The following RFX4 variants were observed in gnomAD, a reference collection of about 807,000 sequenced individuals.
RFX4 encodes the protein regulatory factor X4.
Under a neutral mutation model 95.0 loss-of-function variants are expected in RFX4, and 10 were observed. The ratio of observed to expected loss-of-function variants is 0.11; its 90% confidence interval spans 0.06 to 0.18. The LOEUF is 0.18. Ranked by LOEUF, RFX4 falls within the 10% of genes least tolerant of loss-of-function variation. The probability of loss-of-function intolerance (pLI) is 1.00; values close to 1 mark genes in which losing one functional copy is unlikely to be tolerated. For synonymous variants in RFX4, 321 were observed against 340.7 expected (o/e 0.94, Z 0.64); for missense variants, 640 against 922.0 (o/e 0.69, Z 3.96).
intron 8 of RFX4, among the ~76,000 whole-genome samples, chr12:106,701,763 G>A (rs764344588): frequency 2.6e-5 from 4 of 152,050 alleles, no homozygotes; most frequent in South Asian, 2.1e-4. Context: ...GCTGGGTGCC[G>A]TATGGCTCAC....
In RFX4 at chr12:106,696,337, G is replaced by A. The variant is rs540870675; in HGVS notation, c.724G>A (p.Val242Met). Residue 242 changes from valine to methionine, a missense_variant, in exon 8 of 18, where the codon GTG becomes ATG. Around this residue, in one of 7 missense-constraint regions of RFX4, gnomAD observed 96 missense variants for 183.7 expected, o/e 0.52. Transcript: ENST00000392842. ...AGGAATGCCGCCCCACATGCTGCCT[G>A]TGCTGGGCTCCTCCACGGTGGTGAA... ...WQGMPPHMLP[V>M]LGSSTVVNIV... 2 of 1,614,192 alleles carry A rather than the reference G, an allele frequency of 1.2e-6. No homozygotes were observed. The highest frequency in any genetic ancestry group is 1.1e-5 in the South Asian group (1 of 91,080).
intron 1 of RFX4, among the ~76,000 whole-genome samples, chr12:106,601,806 T>C (rs1276600908): frequency 6.6e-6 from 1 of 152,222 alleles, no homozygotes; most frequent in Non-Finnish European, 1.5e-5. Context: ...CGGCGAACTC[T>C]TCACCTTTCC....
intron 3 of RFX4, among the ~76,000 whole-genome samples, chr12:106,647,454 A>G (rs560620510): frequency 6.6e-6 from 1 of 152,286 alleles, no homozygotes; most frequent in South Asian, 2.1e-4. Context: ...GCACTTGAAA[A>G]TATAAATCAA....
Position 106,720,622 on chromosome 12 carries a change from G to C in RFX4, c.1234-137G>C. On this transcript the variant is annotated intron_variant, in intron 12 of 17. Transcript: ENST00000392842. The surrounding 1 kb of genome is among the most constrained non-coding windows in gnomAD (Gnocchi z 4.2). ...TGGTCTCAAACTCCTAGGCTCATGC[G>C]ATCATCCGCCCACCTTGGCCTCCCA... The C allele has an allele frequency of 2.6e-6, 2 of 756,144 alleles. No individual in the cohort carries two copies. The highest frequency in any genetic ancestry group is 4.6e-6 in the Non-Finnish European group (2 of 438,672). The allele number at this position is 756,144 out of a possible 1,614,324, so 46.8% of individuals were successfully genotyped here.
chr12:106,590,299 G>A lies in RFX4; in HGVS notation c.43+6936G>A, dbSNP rs557305436. On this transcript the variant is annotated intron_variant, in intron 1 of 17. Transcript: ENST00000392842. ...ATGAAAGTGGTAATAGTTAACATAC[G>A]TTCCATACTTACTGTGTCTTCACTT... Among the ~76,000 whole-genome samples, 38 of 152,336 alleles carry A rather than the reference G, an allele frequency of 2.5e-4. 1 individual carries two copies. In the East Asian group the frequency reaches 5.6e-3, roughly 22 times the overall value.
intron 15 of RFX4, among the ~76,000 whole-genome samples, chr12:106,737,059 C>A (rs2137576948): frequency 6.6e-6 from 1 of 151,698 alleles, no homozygotes; most frequent in South Asian, 2.1e-4. Flanking sequence ...TTGATGTTTC[C>A]CTCACCCTCC....
At chr12:106,757,972 A>T (rs1272184585) in intron 17 of RFX4, among the ~76,000 whole-genome samples, 2 of 152,038 alleles carry the variant, frequency 1.3e-5, no homozygotes, top group Non-Finnish European at 2.9e-5. Flanking sequence ...CCTCTCATAC[A>T]CTCCTTTCAA....
chr12:106,642,080 G>A (rs550275042), intron 3 of RFX4, among the ~76,000 whole-genome samples: 8 of 151,472 alleles, frequency 5.3e-5, no homozygotes, highest in South Asian at 2.1e-4. Flanking sequence ...GCGTGAGCTC[G>A]GTTCACTGTA....
chr12:106,583,539 C>A, intron 1 of RFX4, 176 bp downstream of exon 1: 1 of 537,222 alleles, frequency 1.9e-6, no homozygotes. Flanking sequence ...TAACTGGATG[C>A]GTGGAAGTAT....
chr12:106,691,354 T>C (rs779973214), intron 7 of RFX4, among the ~76,000 whole-genome samples: 1 of 152,188 alleles, frequency 6.6e-6, no homozygotes, highest in Non-Finnish European at 1.5e-5. Context: ...GTCACACAGT[T>C]GGTTAGGGCC....
In RFX4 at chr12:106,671,233, A is replaced by G. The variant is rs1398278181; in HGVS notation, c.316-10760A>G. Among the ~76,000 whole-genome samples the G allele has an allele frequency of 3.3e-5, 5 of 152,172 alleles. No individual in the cohort carries two copies. The East Asian group carries it at 9.6e-4, about 29-fold the overall frequency. On this transcript the variant is annotated intron_variant, in intron 4 of 17. Coordinates refer to ENST00000392842, the MANE Select transcript of RFX4 (RefSeq NM_213594.3). ...ATTTATTTTAGATCACTTCTTGTTG[A>G]TGGCAAATCTTTACCTACTGAGGGT... is the stretch of plus-strand genomic sequence containing the variant.
chr12:106,595,357 C>T (rs1179845003), intron 1 of RFX4, among the ~76,000 whole-genome samples: 2 of 152,186 alleles, frequency 1.3e-5, no homozygotes, highest in Non-Finnish European at 1.5e-5. Flanking sequence ...TCAGGAGGTC[C>T]AGTCATTCCC....
chr12:106,684,694 A>G, intron 5 of RFX4: 1 of 1,477,084 alleles, frequency 6.8e-7, no homozygotes, highest in South Asian at 1.4e-5. Context: ...TCCCCCACCC[A>G]CAGAGTGAGT....
intron 6 of RFX4, 94 bp downstream of exon 6, chr12:106,687,191 C>A: frequency 2.4e-6 from 1 of 420,592 alleles, no homozygotes; most frequent in Admixed American, 5.1e-5. Context: ...CTCACACACA[C>A]ACACACACAC....
At chr12:106,672,066 T>C (rs1449351762) in intron 4 of RFX4, among the ~76,000 whole-genome samples, 2 of 152,196 alleles carry the variant, frequency 1.3e-5, no homozygotes, top group Admixed American at 1.3e-4. Context: ...CTCTTTTCAC[T>C]CTTTCCTTTC....
chr12:106,703,460 T>C (rs1186604646), intron 8 of RFX4, among the ~76,000 whole-genome samples: 1 of 152,228 alleles, frequency 6.6e-6, no homozygotes, highest in African/African-American at 2.4e-5. Context: ...TATATGTCTA[T>C]ATTATATACG....
At chr12:106,758,565 T>G (rs2043151981) in intron 17 of RFX4, among the ~76,000 whole-genome samples, 1 of 152,198 alleles carries the variant, frequency 6.6e-6, no homozygotes, top group African/African-American at 2.4e-5. Flanking sequence ...TGTGACATTT[T>G]ACCTACATGA....
Position 106,720,946 on chromosome 12 carries a change from C to T in RFX4, c.1351+70C>T. The T allele has an allele frequency of 5.2e-6, 7 of 1,338,070 alleles. No homozygotes were observed. Among genetic ancestry groups the T allele is most frequent in the Non-Finnish European group, 7.5e-6 (7 of 933,132 alleles). 82.9% of individuals were successfully genotyped at this position (1,338,070 alleles called of 1,614,324 possible). A position where few individuals can be genotyped will look rare whatever the true frequency, so the allele number is the denominator to read the frequency against. On this transcript the variant is annotated intron_variant, in intron 13 of 17. Transcript: ENST00000392842. This position sits in a 1 kb window ranked among gnomAD's most constrained non-coding sequence, Gnocchi z 4.2. ...TGGGCACGGAGCCCAGAGGAATCTA[C>T]CACAGTCTAACTTGCTGTTTCTGCA...
chr12:106,709,451 G>C, intron 9 of RFX4, 21 bp downstream of exon 9: 1 of 1,565,084 alleles, frequency 6.4e-7, no homozygotes, highest in Non-Finnish European at 8.7e-7. Flanking sequence ...AGTTGAGAGC[G>C]GGATGGAAGA....
Sources: allele counts gnomAD v4.1 joint callset (sites outside exome capture counted in the v4.1 genomes callset), GRCh38; gene constraint gnomAD v4.1.1; regional missense constraint gnomAD v4.1.1; non-coding constraint Gnocchi (gnomAD v3.1); transcripts MANE v1.5; gene names NCBI Gene and HGNC (gene_info 2026-07-23, HGNC 2026-07-21).